The following FRMD4B variants were observed in gnomAD, a reference collection of about 807,000 sequenced individuals.
FRMD4B encodes the protein FERM domain containing 4B.
A neutral mutation model predicts 141.5 loss-of-function variants in FRMD4B; 74 were observed. The observed-to-expected ratio is 0.52, with a 90% CI of 0.43 to 0.63. The LOEUF (loss-of-function observed/expected upper bound fraction) is 0.63, where lower values mean the gene tolerates loss of function less well. Ranked by LOEUF, FRMD4B falls within the 30% of genes least tolerant of loss-of-function variation. The pLI is 0.00. For synonymous variants in FRMD4B, 506 were observed against 467.9 expected (o/e 1.08, Z -1.05); for missense variants, 1,366 against 1,253.4 (o/e 1.09, Z -1.36).
At chr3:69,293,806 G>C (rs971914554) in intron 4 of FRMD4B, among the ~76,000 whole-genome samples, 3 of 146,432 alleles carry the variant, frequency 2.0e-5, no homozygotes, top group Non-Finnish European at 4.5e-5. Flanking sequence ...GCTTGAACCT[G>C]GGAGGAGGAG....
intron 1 of FRMD4B, among the ~76,000 whole-genome samples, chr3:69,364,647 C>G (rs1383981878): frequency 6.6e-6 from 1 of 152,112 alleles, no homozygotes; most frequent in African/African-American, 2.4e-5. Context: ...CCTGAGTAAT[C>G]AGTTCTGGTG....
intron 5 of FRMD4B, among the ~76,000 whole-genome samples, chr3:69,268,565 G>A (rs2093579073): frequency 1.3e-5 from 2 of 151,862 alleles, no homozygotes; most frequent in Admixed American, 1.3e-4. Context: ...GTAGCAGCAG[G>A]GCGTTCTGAT....
intron 1 of FRMD4B, among the ~76,000 whole-genome samples, chr3:69,445,814 G>A (rs74648181): frequency 0.017 from 2,542 of 152,134 alleles, 28 homozygotes; most frequent in Non-Finnish European, 0.024. Flanking sequence ...ATTAAGCTAC[G>A]TTTGTGTTAT....
At chr3:69,357,526 T>C (rs748160369) in intron 1 of FRMD4B, among the ~76,000 whole-genome samples, 1 of 152,224 alleles carries the variant, frequency 6.6e-6, no homozygotes, top group Non-Finnish European at 1.5e-5. Context: ...TATGTATTGG[T>C]GACTTTGTGG....
intron 5 of FRMD4B, among the ~76,000 whole-genome samples, chr3:69,254,219 C>A (rs367835788): frequency 2.0e-5 from 3 of 152,080 alleles, no homozygotes; most frequent in African/African-American, 4.8e-5. Flanking sequence ...ATTCTCCTGC[C>A]TCAGCCTCCC....
intron 1 of FRMD4B, among the ~76,000 whole-genome samples, chr3:69,380,237 A>G (rs1334207286): frequency 2.6e-5 from 4 of 152,152 alleles, no homozygotes; most frequent in Non-Finnish European, 4.4e-5. Flanking sequence ...ACACAGTCCA[A>G]ATACCCAAGG....
At chr3:69,187,033 G>C (rs1426784664) in intron 19 of FRMD4B, among the ~76,000 whole-genome samples, 1 of 152,106 alleles carries the variant, frequency 6.6e-6, no homozygotes, top group Non-Finnish European at 1.5e-5. Context: ...CAGATTATGA[G>C]TTTAAGTCCC....
chr3:69,483,719 A>G (rs1204227177), intron 1 of FRMD4B, among the ~76,000 whole-genome samples: 1 of 152,232 alleles, frequency 6.6e-6, no homozygotes, highest in Non-Finnish European at 1.5e-5. Context: ...TAAAAATAAA[A>G]GGCAATAAAT....
At chr3:69,288,831 T>C (rs1319006914) in intron 4 of FRMD4B, among the ~76,000 whole-genome samples, 2 of 152,214 alleles carry the variant, frequency 1.3e-5, no homozygotes, top group Non-Finnish European at 2.9e-5. Context: ...GGTGAACCTA[T>C]CCTTAGCTCT....
intron 1 of FRMD4B, among the ~76,000 whole-genome samples, chr3:69,335,831 T>C (rs952292383): frequency 6.6e-6 from 1 of 151,512 alleles, no homozygotes; most frequent in Non-Finnish European, 1.5e-5. Flanking sequence ...CAGGTGATTC[T>C]CCTGCCTCAG....
At chr3:69,259,912 C>A (rs2093515287) in intron 5 of FRMD4B, among the ~76,000 whole-genome samples, 1 of 152,200 alleles carries the variant, frequency 6.6e-6, no homozygotes, top group Non-Finnish European at 1.5e-5. Flanking sequence ...TGGCCACAGC[C>A]TCCTGAGTAG....
chr3:69,436,813 A>C (rs1272772488), intron 1 of FRMD4B, among the ~76,000 whole-genome samples: 1 of 152,226 alleles, frequency 6.6e-6, no homozygotes, highest in Non-Finnish European at 1.5e-5. Flanking sequence ...ATGAGTCCTG[A>C]AAACATTATA....
intron 1 of FRMD4B, among the ~76,000 whole-genome samples, chr3:69,324,575 A>G (rs958717981): frequency 2.0e-5 from 3 of 152,218 alleles, no homozygotes; most frequent in Admixed American, 6.5e-5. Flanking sequence ...ATCCTCCCCC[A>G]TATGTCTCCA....
At chr3:69,404,194 G>T (rs59539468) in intron 2 of FRMD4B, among the ~76,000 whole-genome samples, 9,390 of 152,196 alleles carry the variant, frequency 0.062, 886 homozygotes, top group African/African-American at 0.2. Flanking sequence ...AATGTGCCTG[G>T]TCTCCTAAGA....
intron 1 of FRMD4B, among the ~76,000 whole-genome samples, chr3:69,382,364 G>A (rs1042297722): frequency 6.6e-6 from 1 of 152,096 alleles, no homozygotes. Context: ...TAGTAGAGAC[G>A]GGGTCTTGCC....
chr3:69,290,764 G>A (rs897446145), intron 4 of FRMD4B, among the ~76,000 whole-genome samples: 9 of 152,154 alleles, frequency 5.9e-5, no homozygotes, highest in Non-Finnish European at 8.8e-5. Context: ...TGATGACCCT[G>A]ATTTCACAGA....
At chr3:69,314,173 A>AAAT (rs1701717604) in intron 1 of FRMD4B, among the ~76,000 whole-genome samples, 1 of 107,112 alleles carries the variant, frequency 9.3e-6, no homozygotes, top group African/African-American at 3.4e-5. Flanking sequence ...AAAAAAAAAA[A>AAAT]GCCTCTCCAT....
intron 1 of FRMD4B, among the ~76,000 whole-genome samples, chr3:69,452,012 A>G (rs1307667845): frequency 6.6e-6 from 1 of 152,246 alleles, no homozygotes; most frequent in African/African-American, 2.4e-5. Flanking sequence ...TAAATAAAAT[A>G]CAAAACAAAT....
intron 2 of FRMD4B, among the ~76,000 whole-genome samples, chr3:69,428,642 C>A (rs1705125364): frequency 6.6e-6 from 1 of 151,830 alleles, no homozygotes; most frequent in Non-Finnish European, 1.5e-5. Context: ...TTTGGAAAAA[C>A]CAGGAAAGTT....
Sources: allele counts gnomAD v4.1 joint callset (sites outside exome capture counted in the v4.1 genomes callset), GRCh38; gene constraint gnomAD v4.1.1; transcripts MANE v1.5; gene names NCBI Gene and HGNC (gene_info 2026-07-23, HGNC 2026-07-21).